Variants in NPAS2 observed in about 807,000 individuals in gnomAD.
NPAS2 encodes the protein neuronal PAS domain protein 2, also known as neuronal PAS domain-containing protein 2.
A neutral mutation model predicts 107.5 loss-of-function variants in NPAS2; 23 were observed. The observed-to-expected ratio is 0.21, with a 90% confidence interval of 0.15 to 0.30. NPAS2 has a LOEUF of 0.30. Among genes scored for constraint, NPAS2 ranks in the 10% least tolerant of loss-of-function variants. The pLI is 1.00. For missense variants in NPAS2, 756 were observed against 1,043.3 expected, an observed-to-expected ratio of 0.72 and a Z score of 3.79; for synonymous variants, 403 against 417.5, an observed-to-expected ratio of 0.97 and a Z score of 0.42.
intron 4 of NPAS2, among the ~76,000 whole-genome samples, chr2:100,935,300 A>G (rs976673579): frequency 1.3e-5 from 2 of 152,218 alleles, no homozygotes; most frequent in Admixed American, 6.5e-5. Flanking sequence ...GGAACACAAG[A>G]AATGTTCCAT....
chr2:100,889,969 G>C (rs1680945285), intron 1 of NPAS2, among the ~76,000 whole-genome samples: 1 of 152,040 alleles, frequency 6.6e-6, no homozygotes, highest in Non-Finnish European at 1.5e-5. Context: ...TCGGGGGCGG[G>C]GAGGGATATG....
chr2:100,881,071 C>T (rs892467603), intron 1 of NPAS2, among the ~76,000 whole-genome samples: 16 of 152,154 alleles, frequency 1.1e-4, no homozygotes, highest in Non-Finnish European at 1.9e-4. Context: ...TGGGCCCCAC[C>T]CCAGGGATGC....
intron 2 of NPAS2, among the ~76,000 whole-genome samples, chr2:100,905,716 G>A (rs532045218): frequency 6.6e-6 from 1 of 152,264 alleles, no homozygotes; most frequent in African/African-American, 2.4e-5. Flanking sequence ...GTGTGGCAGG[G>A]CTCTCCGTCC....
At chr2:100,897,731 A>G (rs920722910) in intron 1 of NPAS2, among the ~76,000 whole-genome samples, 10 of 152,086 alleles carry the variant, frequency 6.6e-5, no homozygotes, top group Non-Finnish European at 1.2e-4. Flanking sequence ...GTGATAACCA[A>G]AGAACAGGCT....
At chr2:100,881,820 C>T (rs1374072248) in intron 1 of NPAS2, among the ~76,000 whole-genome samples, 1 of 152,224 alleles carries the variant, frequency 6.6e-6, no homozygotes, top group African/African-American at 2.4e-5. Context: ...CAGAGGGCTT[C>T]ACTCACTCCA....
intron 1 of NPAS2, among the ~76,000 whole-genome samples, chr2:100,852,267 G>A (rs35827758): frequency 6.6e-6 from 1 of 151,862 alleles, no homozygotes; most frequent in African/African-American, 2.4e-5. Context: ...CGTGGTGGTG[G>A]GTGCCTGTAG....
At chr2:100,923,570 A>G (rs892448233) in intron 2 of NPAS2, among the ~76,000 whole-genome samples, 1 of 152,146 alleles carries the variant, frequency 6.6e-6, no homozygotes, top group Non-Finnish European at 1.5e-5. Flanking sequence ...ATCCAGCAGC[A>G]CACTCTGTCC....
intron 1 of NPAS2, among the ~76,000 whole-genome samples, chr2:100,886,304 A>G (rs756353946): frequency 6.6e-6 from 1 of 152,218 alleles, no homozygotes; most frequent in Non-Finnish European, 1.5e-5. Context: ...CTGTTACACA[A>G]GCCAAGGTCT....
intron 14 of NPAS2, 151 bp downstream of exon 14, chr2:100,975,718 A>AT (rs1676945564): frequency 1.9e-6 from 1 of 529,962 alleles, no homozygotes; most frequent in South Asian, 3.0e-5. Flanking sequence ...AAGTTAAGTA[A>AT]TTTAATTGGC....
In NPAS2 at chr2:100,834,454, T is replaced by C. The variant is rs1215089721; in HGVS notation, c.-23+14040T>C. Among the ~76,000 whole-genome samples, 8 of 152,302 alleles carry C rather than the reference T, an allele frequency of 5.3e-5. 1 individual carries two copies. In the East Asian group the frequency reaches 1.5e-3, roughly 29 times the overall value. ...GGACACGGACCGTCCACTTGACTTG[T>C]GGGAACCAGCTGACTCTCTTAGGTG... On this transcript the variant is annotated intron_variant, in intron 1 of 20. Coordinates refer to ENST00000335681, the MANE Select transcript of NPAS2 (RefSeq NM_002518.4).
rs145259347 is a variant in NPAS2, at chr2:100,826,762, A to G, written c.-23+6348A>G. On this transcript the variant is annotated intron_variant, in intron 1 of 20. Transcript: ENST00000335681. The stretch of plus-strand genomic sequence containing the variant: ...GTTTGAAATATTGATAGATGCTGCC[A>G]AATTGGGGGCTAAAAAAAGCTATGC... Among the ~76,000 whole-genome samples, 212 of 152,264 alleles carry G rather than the reference A, an allele frequency of 1.4e-3. 4 individuals are homozygous for G. The East Asian group carries it at 0.032, about 23-fold the overall frequency.
intron 15 of NPAS2, 120 bp from the exon 16 acceptor site, chr2:100,982,111 A>T: frequency 8.1e-7 from 1 of 1,240,168 alleles, no homozygotes; most frequent in Non-Finnish European, 1.1e-6. Flanking sequence ...CTCCTTAGGG[A>T]TGCTGGGAAA....
rs1233564397 is a variant in NPAS2, at chr2:100,995,839, G to GT, written c.*257_*258insT. 46 of 1,532,050 alleles carry GT rather than the reference G, an allele frequency of 3.0e-5. No homozygotes were observed. The highest frequency in any genetic ancestry group is 3.8e-5 in the Non-Finnish European group (43 of 1,135,828). The allele number at this position is 1,532,050 out of a possible 1,614,324, so 94.9% of individuals were successfully genotyped here. ...TAGCCATACTGGACAGGAACCAGGT[G>GT]CCCCGTGTAGGCATCGTCGGTCGGT... On this transcript the variant is annotated 3_prime_UTR_variant, in exon 21 of 21. Transcript: ENST00000335681.
chr2:100,875,125 C>T (rs545201331), intron 1 of NPAS2, among the ~76,000 whole-genome samples: 1 of 152,300 alleles, frequency 6.6e-6, no homozygotes, highest in African/African-American at 2.4e-5. Flanking sequence ...AATTCTGACG[C>T]ATGCTACAAC....
rs903275709 is a variant in NPAS2, at chr2:100,968,133, A to G, written c.908-148A>G. 17 of 738,852 alleles carry G rather than the reference A, an allele frequency of 2.3e-5. No homozygotes were observed. Among genetic ancestry groups the G allele is most frequent in the Admixed American group, 5.1e-5 (2 of 39,422 alleles). 45.8% of individuals were successfully genotyped at this position (738,852 alleles called of 1,614,324 possible). A position where few individuals can be genotyped will look rare whatever the true frequency, so the allele number is the denominator to read the frequency against. On this transcript the variant is annotated intron_variant, in intron 10 of 20. Transcript: ENST00000335681. The surrounding 1 kb of genome is among the most constrained non-coding windows in gnomAD (Gnocchi z 5.3). The stretch of plus-strand genomic sequence containing the variant: ...CACGACAGTGTACCGTGATCCTGAC[A>G]GTCACTTAAAATACAGGGCAACCGG...
Position 100,953,386 on chromosome 2 carries a change from A to T in NPAS2, c.598+3906A>T. Among the ~76,000 whole-genome samples, 2 of 149,934 alleles carry T rather than the reference A, an allele frequency of 1.3e-5. 1 individual carries two copies. Among genetic ancestry groups the T allele is most frequent in the African/African-American group, 4.9e-5 (2 of 40,630 alleles). ...GAAACTCCATCTCATAAAAAAAAAA[A>T]AAAACAAAAAAAACACCCTATAAAA... On this transcript the variant is annotated intron_variant, in intron 7 of 20. Transcript: ENST00000335681.
intron 3 of NPAS2, 30 bp from the exon 4 acceptor site, chr2:100,932,880 T>C: frequency 6.6e-7 from 1 of 1,504,590 alleles, no homozygotes; most frequent in Middle Eastern, 1.7e-4. Context: ...TGCCATTGAA[T>C]ATAAAGGCTT....
chr2:100,962,156 G>A (rs1675952967), intron 7 of NPAS2, among the ~76,000 whole-genome samples: 1 of 152,130 alleles, frequency 6.6e-6, no homozygotes, highest in Admixed American at 6.6e-5. Flanking sequence ...AAGCTCTCCA[G>A]AGACCACTGT....
chr2:100,970,947 G>C, intron 11 of NPAS2, 43 bp from the exon 12 acceptor site: 1 of 1,574,690 alleles, frequency 6.4e-7, no homozygotes, highest in Non-Finnish European at 8.7e-7. Context: ...ATCCCTTCCT[G>C]GAATGCCCCA....
Sources: allele counts gnomAD v4.1 joint callset (sites outside exome capture counted in the v4.1 genomes callset), GRCh38; gene constraint gnomAD v4.1.1; non-coding constraint Gnocchi (gnomAD v3.1); transcripts MANE v1.5; gene names NCBI Gene and HGNC (gene_info 2026-07-23, HGNC 2026-07-21).